The following GALNT18 variants were observed in gnomAD, a reference collection of about 807,000 sequenced individuals.
GALNT18 encodes the protein polypeptide N-acetylgalactosaminyltransferase 18.
GALNT18 carries 44 observed loss-of-function variants against 69.5 expected under a neutral mutation model. The ratio of observed to expected loss-of-function variants is 0.63; its 90% CI spans 0.50 to 0.81. GALNT18 has a LOEUF of 0.81. GALNT18 is among the 40% of genes least tolerant of loss of function. GALNT18 has a pLI of 0.00. For missense variants in GALNT18, 715 were observed against 810.0 expected (o/e 0.88, Z 1.42); for synonymous variants, 364 against 318.2 (o/e 1.14, Z -1.53).
intron 9 of GALNT18, among the ~76,000 whole-genome samples, chr11:11,296,646 C>T (rs1849406258): frequency 6.6e-6 from 1 of 152,204 alleles, no homozygotes; most frequent in Non-Finnish European, 1.5e-5. Flanking sequence ...CACTTAGCTG[C>T]TCTGAAGAGT....
chr11:11,336,470 C>T (rs1023983), intron 7 of GALNT18, among the ~76,000 whole-genome samples: 138,538 of 152,262 alleles, frequency 0.91, 63,278 homozygotes, highest in East Asian at 1. Flanking sequence ...TTAACACTTA[C>T]CTAGCGCTGT....
intron 10 of GALNT18, among the ~76,000 whole-genome samples, chr11:11,286,885 C>G (rs2132995043): frequency 6.6e-6 from 1 of 152,250 alleles, no homozygotes; most frequent in South Asian, 2.1e-4. Flanking sequence ...GGAAAAAACC[C>G]TTCTCAGGGT....
At chr11:11,330,394 C>T (rs953176305) in intron 8 of GALNT18, among the ~76,000 whole-genome samples, 2 of 152,216 alleles carry the variant, frequency 1.3e-5, no homozygotes, top group Non-Finnish European at 2.9e-5. Context: ...CTGCATCCCA[C>T]TTTGCCCATC....
intron 1 of GALNT18, among the ~76,000 whole-genome samples, chr11:11,490,881 T>C (rs1179084658): frequency 1.3e-5 from 2 of 152,216 alleles, no homozygotes; most frequent in African/African-American, 2.4e-5. Flanking sequence ...CATCTAGAAC[T>C]GGATAATGCA....
At chr11:11,458,041 T>C (rs1161623608) in intron 1 of GALNT18, among the ~76,000 whole-genome samples, 1 of 152,174 alleles carries the variant, frequency 6.6e-6, no homozygotes, top group African/African-American at 2.4e-5. Context: ...ACACTTGGGG[T>C]GCAGACCCAG....
At chr11:11,447,499 C>T (rs1053055700) in intron 2 of GALNT18, among the ~76,000 whole-genome samples, 3 of 152,342 alleles carry the variant, frequency 2.0e-5, no homozygotes, top group African/African-American at 7.2e-5. Flanking sequence ...TTGTTCACTG[C>T]TTTGTCCCTT....
chr11:11,503,293 C>T (rs1000445314), intron 1 of GALNT18, among the ~76,000 whole-genome samples: 3 of 152,138 alleles, frequency 2.0e-5, no homozygotes, highest in South Asian at 2.1e-4. Flanking sequence ...TACATTATTT[C>T]ACTTCTCTGA....
At chr11:11,379,508 A>G (rs1486444635) in intron 3 of GALNT18, among the ~76,000 whole-genome samples, 1 of 152,224 alleles carries the variant, frequency 6.6e-6, no homozygotes, top group African/African-American at 2.4e-5. Context: ...AGGGTCATAT[A>G]CACCACAAAC....
chr11:11,292,684 C>T (rs1331153048), intron 10 of GALNT18, among the ~76,000 whole-genome samples: 1 of 152,074 alleles, frequency 6.6e-6, no homozygotes, highest in Non-Finnish European at 1.5e-5. Context: ...CCAGCCCTGC[C>T]CCAGCTGTGA....
At chr11:11,284,298 G>A (rs980157801) in intron 10 of GALNT18, among the ~76,000 whole-genome samples, 1 of 152,222 alleles carries the variant, frequency 6.6e-6, no homozygotes, top group African/African-American at 2.4e-5. Flanking sequence ...TGACTGGCCT[G>A]TTCCTCCTGG....
chr11:11,294,628 TAAAC>T (rs1260429525), intron 9 of GALNT18, among the ~76,000 whole-genome samples: 1 of 138,186 alleles, frequency 7.2e-6, no homozygotes, highest in Non-Finnish European at 1.6e-5. Flanking sequence ...AAAAAAAACA[TAAAC>T]AAATGGCTGT....
At chr11:11,295,165 C>T (rs1414630412) in intron 9 of GALNT18, among the ~76,000 whole-genome samples, 1 of 152,128 alleles carries the variant, frequency 6.6e-6, no homozygotes, top group Non-Finnish European at 1.5e-5. Context: ...GCAGATTCTT[C>T]CTGAAGCTCA....
intron 3 of GALNT18, among the ~76,000 whole-genome samples, chr11:11,410,974 C>T (rs900596160): frequency 6.6e-6 from 1 of 152,158 alleles, no homozygotes; most frequent in African/African-American, 2.4e-5. Flanking sequence ...CCTGGCTTGA[C>T]TCTGTCAATG....
Position 11,396,754 on chromosome 11 carries a change from T to C in GALNT18, c.596-17490A>G, listed in dbSNP as rs1854340687. Among the ~76,000 whole-genome samples, 1 of 152,138 alleles carries C rather than the reference T, an allele frequency of 6.6e-6. No individual in the cohort carries two copies. The highest frequency in any genetic ancestry group is 1.5e-5 in the Non-Finnish European group (1 of 68,012). ...CTCTGGATCTCTAATCTGCAGTTGA[T>C]GCTCTGACCAGATGGAGGGAGAGAG... is the stretch of plus-strand genomic sequence containing the variant. On this transcript the variant is annotated intron_variant, in intron 3 of 10. Transcript: ENST00000227756. This position sits in a 1 kb window ranked among gnomAD's most constrained non-coding sequence, Gnocchi z 5.2.
rs1379595719 is a variant in GALNT18, at chr11:11,340,523, AT to A, written c.1278+295del. Reference sequence around the variant, plus strand: ...TCAGAGAAGCTGAGGACCTGGGAGCATGAAGGAAACTTGAGCTACCTGTCCA... The same window carrying A: ...TCAGAGAAGCTGAGGACCTGGGAGCAGAAGGAAACTTGAGCTACCTGTCCA... On this transcript the variant is annotated intron_variant, in intron 7 of 10. Coordinates refer to ENST00000227756, the MANE Select transcript of GALNT18 (RefSeq NM_198516.3). The surrounding 1 kb of genome is among the most constrained non-coding windows in gnomAD (Gnocchi z 4.2). Among the ~76,000 whole-genome samples, 1 of 152,226 alleles carries A rather than the reference AT, an allele frequency of 6.6e-6. No individual in the cohort carries two copies. The highest frequency in any genetic ancestry group is 1.5e-5 in the Non-Finnish European group (1 of 68,036).
chr11:11,510,193 A>G (rs890337092), intron 1 of GALNT18, among the ~76,000 whole-genome samples: 1 of 152,222 alleles, frequency 6.6e-6, no homozygotes, highest in African/African-American at 2.4e-5. Flanking sequence ...CAAGATTCAC[A>G]CAAGGCAATG....
intron 1 of GALNT18, among the ~76,000 whole-genome samples, chr11:11,547,543 G>A (rs1016651877): frequency 6.6e-6 from 1 of 152,178 alleles, no homozygotes; most frequent in Non-Finnish European, 1.5e-5. Flanking sequence ...AGGCAGCCCC[G>A]GTCATCCAGG....
In GALNT18 at chr11:11,402,254, C is replaced by T. The variant is rs1462619554; in HGVS notation, c.596-22990G>A. 3.3e-5 allele frequency among the ~76,000 whole-genome samples: 5 copies of T among 152,194 alleles called. No homozygotes were observed. Among genetic ancestry groups the T allele is most frequent in the African/African-American group, 9.7e-5 (4 of 41,446 alleles). ...TTTATAGAACAGAGATTGTCTTAAA[C>T]GATCCAGCCTGGTGGAATTAGATTT... On this transcript the variant is annotated intron_variant, in intron 3 of 10. Coordinates refer to ENST00000227756, the MANE Select transcript of GALNT18 (RefSeq NM_198516.3). The surrounding 1 kb of genome is among the most constrained non-coding windows in gnomAD (Gnocchi z 4.0).
At chr11:11,525,341 GA>G (rs1218148271) in intron 1 of GALNT18, among the ~76,000 whole-genome samples, 3 of 152,142 alleles carry the variant, frequency 2.0e-5, no homozygotes, top group African/African-American at 4.8e-5. Flanking sequence ...AGGTGAATGA[GA>G]AGCAGGGAGC....
Sources: allele counts gnomAD v4.1 joint callset (sites outside exome capture counted in the v4.1 genomes callset), GRCh38; gene constraint gnomAD v4.1.1; non-coding constraint Gnocchi (gnomAD v3.1); transcripts MANE v1.5; gene names NCBI Gene and HGNC (gene_info 2026-07-23, HGNC 2026-07-21).